Variants in FANCD2 observed in about 807,000 individuals in gnomAD.
FANCD2 encodes Fanconi anemia group D2 protein.
In FANCD2, 131 loss-of-function variants were observed where a neutral mutation model predicts 192.3. The ratio of observed to expected loss-of-function variants is 0.68; its 90% CI spans 0.59 to 0.79. The LOEUF is 0.79. Among genes scored for constraint, FANCD2 ranks in the 30% least tolerant of loss-of-function variants. The pLI is 0.00. For synonymous variants in FANCD2, 524 were observed against 612.5 expected, an observed-to-expected ratio of 0.86 and a Z score of 2.13; for missense variants, 1,508 against 1,701.6, an observed-to-expected ratio of 0.89 and a Z score of 2.00.
chr3:10,040,182 C>G (rs1214363314), intron 9 of FANCD2: 2 of 371,644 alleles, frequency 5.4e-6, no homozygotes, highest in Non-Finnish European at 1.0e-5. Flanking sequence ...CTAGAGGCAC[C>G]TGCTACCATG....
At chr3:10,071,985 C>T (rs1457332482) in intron 26 of FANCD2, among the ~76,000 whole-genome samples, 1 of 152,166 alleles carries the variant, frequency 6.6e-6, no homozygotes, top group East Asian at 1.9e-4. Flanking sequence ...GTCTCGAACT[C>T]CTGACCTCAA....
At chr3:10,057,346 T>C (rs1242098469) in intron 18 of FANCD2, among the ~76,000 whole-genome samples, 6 of 151,992 alleles carry the variant, frequency 3.9e-5, no homozygotes, top group East Asian at 1.9e-4. Context: ...TTTATCTATT[T>C]CTTTTTCTTT....
chr3:10,028,486 G>C (rs2086511926), intron 1 of FANCD2, 139 bp from the exon 2 acceptor site: 3 of 651,692 alleles, frequency 4.6e-6, no homozygotes, highest in Admixed American at 2.5e-5. Flanking sequence ...AATTTGCTTA[G>C]CACCTAGGTT....
intron 43 of FANCD2, chr3:10,099,207 C>T (rs943804571): frequency 2.2e-6 from 3 of 1,372,102 alleles, no homozygotes; most frequent in Non-Finnish European, 2.8e-6. Flanking sequence ...AATGTGAAAG[C>T]ATTTGGTGAA....
At chr3:10,047,627 C>G (rs371851839) in intron 15 of FANCD2, among the ~76,000 whole-genome samples, 2 of 152,300 alleles carry the variant, frequency 1.3e-5, no homozygotes, top group South Asian at 2.1e-4. Flanking sequence ...TTTAGAACAT[C>G]TGGCCTCCAA....
intron 30 of FANCD2, among the ~76,000 whole-genome samples, chr3:10,079,453 G>A (rs948881505): frequency 1.3e-5 from 2 of 151,668 alleles, no homozygotes; most frequent in Non-Finnish European, 2.9e-5. Context: ...CTACAGGCGC[G>A]CGCCACCACA....
chr3:10,095,379 C>A (rs878944271), intron 41 of FANCD2, 105 bp downstream of exon 41: 22 of 935,106 alleles, frequency 2.4e-5, no homozygotes, highest in South Asian at 9.7e-5. Flanking sequence ...ATATCTGGGA[C>A]TGTGTCTGTC....
In FANCD2 at chr3:10,085,895, A is replaced by G; in HGVS notation, c.3308A>G (p.His1103Arg). 1 of 1,613,218 alleles carries G rather than the reference A, an allele frequency of 6.2e-7. No homozygotes were observed. Among genetic ancestry groups the G allele is most frequent in the Non-Finnish European group, 8.5e-7 (1 of 1,179,252 alleles). ...VLSSRLKQGE[H>R]SQPLEELLSQ... ...AGTAGCCGACTGAAACAGGGAGAACACAGCCAGCCTTTGGAGGAACTACTC... is the reference window on the plus strand; with the variant it reads ...AGTAGCCGACTGAAACAGGGAGAACGCAGCCAGCCTTTGGAGGAACTACTC... Residue 1103 changes from histidine (H) to arginine (R), a missense_variant, in exon 33 of 44, where the codon CAC (histidine) becomes CGC (arginine). Physicochemically the swap from His to Arg is conservative, Grantham distance 29. Transcript: ENST00000675286.
intron 23 of FANCD2, 133 bp from the exon 24 acceptor site, chr3:10,065,261 A>T (rs973187671): frequency 1.4e-6 from 1 of 714,232 alleles, no homozygotes; most frequent in African/African-American, 1.7e-5. Context: ...TGCACTCCAG[A>T]CTGGGCGACA....
In FANCD2 at chr3:10,078,140, C is replaced by T; in HGVS notation, c.2919C>T (p.Ser973=). ...TGCTTTTCTTGCTGGAAGATCTCTC[C>T]CAGAAGCTGGAGAGTATGCTGACAC... is the stretch of plus-strand genomic sequence containing the variant. ...PELLFLLEDL[S]QKLESMLTPP... is the part of the protein sequence containing the mutation. The change falls in exon 30 of 44, where the codon TCC becomes TCT. Residue 973 remains serine, a synonymous_variant. Coordinates refer to ENST00000675286, the MANE Select transcript of FANCD2 (RefSeq NM_001018115.3). The T allele has an allele frequency of 6.2e-7, 1 of 1,613,916 alleles. No individual in the cohort carries two copies. The highest frequency in any genetic ancestry group is 8.5e-7 in the Non-Finnish European group (1 of 1,179,876).
chr3:10,036,382 C>T (rs768772953), intron 7 of FANCD2, 43 bp downstream of exon 7: 14 of 1,392,366 alleles, frequency 1.0e-5, no homozygotes, highest in African/African-American at 4.3e-5. Context: ...CCCTGATGTA[C>T]TTAAGTTCTC....
At position 10,032,931 on chromosome 3, in the gene FANCD2, C is replaced by G. The variant is rs2086639019; in HGVS notation, c.164C>G (p.Ser55Ter). The G allele has an allele frequency of 6.3e-7, 1 of 1,591,486 alleles. No homozygotes were observed. Residue 55 changes from serine (S) to a stop codon, truncating the protein, a stop_gained, in exon 3 of 44, where the codon TCA (serine) becomes TGA (stop). Coordinates refer to ENST00000675286, the MANE Select transcript of FANCD2 (RefSeq NM_001018115.3). LOFTEE classifies it high-confidence loss of function. ...ATCTTTGTAAAGCTTCTTAAGATAT[C>G]AGGAATTATTCTTAAAACGGGAGAG... Reference protein sequence around the residue: ...DSIFVKLLKISGIILKTGESQ... With the variant: ...DSIFVKLLKI
intron 34 of FANCD2, 62 bp from the exon 35 acceptor site, chr3:10,088,387 T>A (rs1300380243): frequency 9.7e-7 from 1 of 1,027,462 alleles, no homozygotes; most frequent in Non-Finnish European, 1.6e-6. Flanking sequence ...CTCAAAAACC[T>A]GAAAAGCAAG....
At chr3:10,073,071 T>G (rs1332159783) in intron 27 of FANCD2, 90 bp downstream of exon 27, 1 of 872,002 alleles carries the variant, frequency 1.1e-6, no homozygotes, top group African/African-American at 1.7e-5. Flanking sequence ...CATCAGTAAT[T>G]GGAACAATTG....
At chr3:10,034,577 A>G in intron 4 of FANCD2, 41 bp downstream of exon 4, 5 of 1,560,586 alleles carry the variant, frequency 3.2e-6, no homozygotes, top group Non-Finnish European at 4.4e-6. Flanking sequence ...GTGCCAGCAT[A>G]ACTCTAGAAT....
chr3:10,096,511 T>TA (rs1190732488), intron 42 of FANCD2, 39 bp downstream of exon 42: 2 of 1,603,370 alleles, frequency 1.2e-6, no homozygotes, highest in Non-Finnish European at 1.7e-6. Context: ...CCCCTACTCT[T>TA]ATTCTTTGTG....
intron 38 of FANCD2, among the ~76,000 whole-genome samples, chr3:10,092,710 T>C (rs1201130454): frequency 9.1e-6 from 1 of 110,378 alleles, no homozygotes; most frequent in East Asian, 2.2e-4. Context: ...TTTTTTTTTT[T>C]GAGGCAGGGT....
At chr3:10,047,019 C>A (rs1261268479) in intron 15 of FANCD2, among the ~76,000 whole-genome samples, 4 of 152,292 alleles carry the variant, frequency 2.6e-5, no homozygotes, top group Non-Finnish European at 5.9e-5. Flanking sequence ...CCATTCAAAA[C>A]TGTGGACTTT....
chr3:10,063,933 TA>T, intron 21 of FANCD2, 22 bp downstream of exon 21: 1 of 1,614,210 alleles, frequency 6.2e-7, no homozygotes, highest in Non-Finnish European at 8.5e-7. Context: ...TGTCTTTTCT[TA>T]AAGCAATAAA....
Sources: gnomAD v4.1 joint callset for allele counts (sites outside exome capture counted in the v4.1 genomes callset) on GRCh38, gnomAD v4.1.1 for gene constraint, MANE v1.5 for transcripts, NCBI Gene and HGNC (gene_info 2026-07-23, HGNC 2026-07-21) for gene names.